WIZ: variants seen among roughly 807,000 people sequenced by gnomAD.
WIZ encodes protein Wiz.
WIZ carries 25 observed loss-of-function variants against 140.2 expected under a neutral mutation model. The ratio of observed to expected loss-of-function variants is 0.18; its 90% CI spans 0.13 to 0.25. WIZ has a LOEUF of 0.25. Among genes scored for constraint, WIZ ranks in the 10% least tolerant of loss-of-function variants. The pLI, the probability that WIZ is intolerant of heterozygous loss-of-function variation, is 1.00. For missense variants in WIZ, 2,231 were observed against 2,632.6 expected, an observed-to-expected ratio of 0.85 and a Z score of 3.34; for synonymous variants, 1,125 against 1,154.3, an observed-to-expected ratio of 0.97 and a Z score of 0.51.
rs1261936607 is a variant in WIZ, at chr19:15,440,578, G to C, written c.416C>G (p.Ser139Cys). 1.3e-6 allele frequency: 2 copies of C among 1,536,056 alleles called. No individual in the cohort carries two copies. The highest frequency in any genetic ancestry group is 1.4e-5 in the African/African-American group (1 of 73,050). Reference sequence around the variant, plus strand: ...GACTGAGTCCTCGAATCTCCGCTCAGATAGGATGCCCTCCCCAGCCTCCTG... The same window carrying C: ...GACTGAGTCCTCGAATCTCCGCTCACATAGGATGCCCTCCCCAGCCTCCTG... ...LVQEAGEGIL[S>C]ERRFEDSVIV... The change falls in exon 4 of 13, where the codon TCT (serine) becomes TGT (cysteine). Residue 139 changes from serine (S) to cysteine (C), a missense_variant. Coordinates refer to ENST00000673675, the MANE Select transcript of WIZ (RefSeq NM_001371589.1). This position sits in a 1 kb window ranked among gnomAD's most constrained non-coding sequence, Gnocchi z 6.2.
In WIZ at chr19:15,428,787, C is replaced by A. The variant is rs1474452605; in HGVS notation, c.3416-279G>T. 6.6e-6 allele frequency among the ~76,000 whole-genome samples: 1 copy of A among 152,126 alleles called. No homozygotes were observed. The highest frequency in any genetic ancestry group is 2.4e-5 in the African/African-American group (1 of 41,412). The stretch of plus-strand genomic sequence containing the variant: ...ACTCCCAGACCCTCTCCCCTAGGAT[C>A]CCTGCTATGGGAGCTATTTGGGGGC... On this transcript the variant is annotated intron_variant, in intron 7 of 12. Coordinates refer to ENST00000673675, the MANE Select transcript of WIZ (RefSeq NM_001371589.1). This position sits in a 1 kb window ranked among gnomAD's most constrained non-coding sequence, Gnocchi z 6.4.
chr19:15,443,136 A>G (rs1969801614), intron 2 of WIZ, among the ~76,000 whole-genome samples: 2 of 152,186 alleles, frequency 1.3e-5, no homozygotes, highest in East Asian at 3.9e-4. Context: ...CAATGGCACA[A>G]TCTCGGCTCA....
Position 15,428,179 on chromosome 19 carries a change from C to T in WIZ, c.3745G>A (p.Asp1249Asn). 2 of 1,534,500 alleles carry T rather than the reference C, an allele frequency of 1.3e-6. No homozygotes were observed. Among genetic ancestry groups the T allele is most frequent in the Non-Finnish European group, 1.7e-6 (2 of 1,146,740 alleles). The change falls in exon 8 of 13, where the codon GAC becomes AAC. Residue 1249 changes from aspartate (D) to asparagine (N), a missense_variant. Asp to Asn is a conservative substitution (Grantham distance 23, BLOSUM62 1). Coordinates refer to ENST00000673675, the MANE Select transcript of WIZ (RefSeq NM_001371589.1). This position sits in a 1 kb window ranked among gnomAD's most constrained non-coding sequence, Gnocchi z 6.4. ...CCGGCGGCTGCGGCGGCCGAGAGGT[C>T]CTGCTTCCCCCAGGGGCTGGCCATA... ...AGMASPWGKQ[D>N]LSAAAAAGIF...
At position 15,439,308 on chromosome 19, in the gene WIZ, C is replaced by T. The variant is rs749517086; in HGVS notation, c.1686G>A (p.Pro562=). 19 of 1,535,438 alleles carry T rather than the reference C, an allele frequency of 1.2e-5. No homozygotes were observed. Among genetic ancestry groups the T allele is most frequent in the East Asian group, 2.4e-5 (1 of 40,910 alleles). Residue 562 remains proline (P), a synonymous_variant, in exon 4 of 13, where the codon CCG becomes CCA. Transcript: ENST00000673675. The surrounding 1 kb of genome is among the most constrained non-coding windows in gnomAD (Gnocchi z 7.0). ...TGCCATGCAGGAGTGGCTTTGACAG[C>T]GGGAAATCTCTGATGCTCAGCTGCT... ...GCQQLSIRDF[P]LSKPLLHGTG... is the part of the protein sequence containing the mutation.
At position 15,423,327 on chromosome 19, in the gene WIZ, AC is replaced by A. The variant is rs1968495221; in HGVS notation, c.5511-93del. ...AGCATCCCTGGGCACACCTGCTGCT[AC>A]TCAGTGTGGACAGAGCCAGCCCAGG... On this transcript the variant is annotated intron_variant, in intron 12 of 12. Coordinates refer to ENST00000673675, the MANE Select transcript of WIZ (RefSeq NM_001371589.1). 4.0e-6 allele frequency: 6 copies of A among 1,485,806 alleles called. No individual in the cohort carries two copies. The Admixed American group carries it at 6.1e-5, about 15-fold the overall frequency. 92.0% of individuals were successfully genotyped at this position (1,485,806 alleles called of 1,614,324 possible). A position where few individuals can be genotyped will look rare whatever the true frequency, so the allele number is the denominator to read the frequency against.
intron 3 of WIZ, among the ~76,000 whole-genome samples, chr19:15,441,372 T>C (rs1969739882): frequency 6.6e-6 from 1 of 152,170 alleles, no homozygotes; most frequent in South Asian, 2.1e-4. Context: ...TTGGGGGTAA[T>C]TCCCAAGAAC....
Position 15,430,706 on chromosome 19 carries a change from C to T in WIZ, c.2911+306G>A, listed in dbSNP as rs1349701832. Among the ~76,000 whole-genome samples, 4 of 151,848 alleles carry T rather than the reference C, an allele frequency of 2.6e-5. No individual in the cohort carries two copies. The East Asian group carries it at 7.8e-4, about 30-fold the overall frequency. On this transcript the variant is annotated intron_variant, in intron 6 of 12. Coordinates refer to ENST00000673675, the MANE Select transcript of WIZ (RefSeq NM_001371589.1). ...CGAAGAAATGGTGTCATGCGAGAGA[C>T]TGCACAGCTAGCAAAGGCCAGATTC...
At chr19:15,429,486 CCCCA>C in intron 7 of WIZ, 96 bp downstream of exon 7, 2 of 812,166 alleles carry the variant, frequency 2.5e-6, no homozygotes, top group Non-Finnish European at 3.4e-6. Flanking sequence ...TCCCCACCGC[CCCCA>C]CCCACCCTGG....
At chr19:15,437,153 C>T (rs755810239) in intron 4 of WIZ, 24 bp from the exon 5 acceptor site, 1 of 1,551,552 alleles carries the variant, frequency 6.4e-7, no homozygotes. Context: ...ACAGGACTGC[C>T]TGAGGTGGAG....
intron 5 of WIZ, among the ~76,000 whole-genome samples, chr19:15,431,847 T>C (rs1443281454): frequency 1.3e-5 from 2 of 152,092 alleles, no homozygotes; most frequent in African/African-American, 4.8e-5. Flanking sequence ...CATCCCTGGG[T>C]GAGGAGTGTG....
Position 15,424,403 on chromosome 19 carries a change from A to C in WIZ, c.5315-25T>G, listed in dbSNP as rs1474941365. ...TCTAAGGTGGAGAGGGGGACGGGAGATGAGTGGGAGGGGTGGATGCTGCAG... is the reference window on the plus strand; with the variant it reads ...TCTAAGGTGGAGAGGGGGACGGGAGCTGAGTGGGAGGGGTGGATGCTGCAG... On this transcript the variant is annotated intron_variant, in intron 11 of 12. Transcript: ENST00000673675. This position sits in a 1 kb window ranked among gnomAD's most constrained non-coding sequence, Gnocchi z 9.7. 3.1e-6 allele frequency: 5 copies of C among 1,594,372 alleles called. No individual in the cohort carries two copies. The highest frequency in any genetic ancestry group is 4.3e-6 in the Non-Finnish European group (5 of 1,174,218).
intron 5 of WIZ, among the ~76,000 whole-genome samples, chr19:15,432,279 G>A (rs1397065026): frequency 6.6e-6 from 1 of 151,938 alleles, no homozygotes; most frequent in African/African-American, 2.4e-5. Flanking sequence ...CTGGGACCCT[G>A]CGAGCGGCGA....
chr19:15,448,152 G>C lies in WIZ; in HGVS notation c.156C>G (p.Val52=). The C allele has an allele frequency of 6.2e-7, 1 of 1,612,832 alleles. No individual in the cohort carries two copies. Among genetic ancestry groups the C allele is most frequent in the Non-Finnish European group, 8.5e-7 (1 of 1,179,258 alleles). Residue 52 remains valine, a synonymous_variant, in exon 2 of 13, where the codon GTC becomes GTG. Transcript: ENST00000673675. ...GAATGTCTCGGGGGCCCTCCTTGGTGACAGGCAGGTAACGGGTGGACCGGA... is the reference window on the plus strand; with the variant it reads ...GAATGTCTCGGGGGCCCTCCTTGGTCACAGGCAGGTAACGGGTGGACCGGA... ...GIFRSTRYLP[V]TKEGPRDILD...
chr19:15,436,693 G>C (rs1969525364), intron 5 of WIZ, 113 bp downstream of exon 5: 1 of 1,114,744 alleles, frequency 9.0e-7, no homozygotes, highest in Admixed American at 3.6e-5. Context: ...TTTGTAAAGT[G>C]ACTCAAAATG....
rs374280950 is a variant in WIZ at position 15,425,564 on chromosome 19, G to C, written c.4571C>G (p.Pro1524Arg). ...CAGGGCAGGGGCCAGGTCTCCAGCC[G>C]GTGGCTCCTTCTTGATGAGGCACGG... ...SKPCLIKKEP[P>R]AGDLAPALAE... The change falls in exon 10 of 13, where the codon CCG (proline) becomes CGG (arginine). Residue 1524 changes from proline to arginine, a missense_variant. This residue lies in a region of WIZ where 393 missense variants were observed against 451.7 expected (regional missense o/e 0.87). Coordinates refer to ENST00000673675, the MANE Select transcript of WIZ (RefSeq NM_001371589.1). The C allele has an allele frequency of 2.5e-6, 4 of 1,613,048 alleles. No individual in the cohort carries two copies. The highest frequency in any genetic ancestry group is 2.7e-5 in the African/African-American group (2 of 74,872).
In WIZ at chr19:15,438,693, G is replaced by A. The variant is rs1263625141; in HGVS notation, c.2301C>T (p.His767=). 2.5e-5 allele frequency: 38 copies of A among 1,536,046 alleles called. No homozygotes were observed. Among genetic ancestry groups the A allele is most frequent in the Non-Finnish European group, 3.1e-5 (35 of 1,146,904 alleles). The part of the protein sequence containing the change: ...RFHNGIGLAN[H]VRGHLNRVGV... ...CCACGCGGTTCAGGTGGCCCCGGAC[G>A]TGGTTGGCCAAGCCGATGCCGTTGT... is the stretch of plus-strand genomic sequence containing the variant. Residue 767 remains histidine, a synonymous_variant, in exon 4 of 13, where the codon CAC becomes CAT. Coordinates refer to ENST00000673675, the MANE Select transcript of WIZ (RefSeq NM_001371589.1).
intron 12 of WIZ, among the ~76,000 whole-genome samples, chr19:15,423,835 A>G (rs1462068824): frequency 1.3e-5 from 2 of 152,238 alleles, no homozygotes; most frequent in African/African-American, 4.8e-5. Flanking sequence ...ACCATGTGCC[A>G]GGCAGTTCTG....
rs1386943284 is a variant in WIZ, at chr19:15,420,704, A to G, written c.*2372T>C. ...GCAAGAACTGGAGGTGACTCTTCCAAGGACACACATGACCCTCACTTCACT... is the reference window on the plus strand; with the variant it reads ...GCAAGAACTGGAGGTGACTCTTCCAGGGACACACATGACCCTCACTTCACT... On this transcript the variant is annotated 3_prime_UTR_variant, in exon 13 of 13. Transcript: ENST00000673675. 6.6e-6 allele frequency: 1 copy of G among 152,290 alleles called. No individual in the cohort carries two copies. Among genetic ancestry groups the G allele is most frequent in the Non-Finnish European group, 1.5e-5 (1 of 68,064 alleles). 9.4% of individuals were successfully genotyped at this position (152,290 alleles called of 1,614,324 possible).
In WIZ at chr19:15,433,846, T is replaced by C. The variant is rs1158317633; in HGVS notation, c.2741-2664A>G. On this transcript the variant is annotated intron_variant, in intron 5 of 12. Coordinates refer to ENST00000673675, the MANE Select transcript of WIZ (RefSeq NM_001371589.1). ...AACCTCCAAGGAGAGGGGGCTTTGA[T>C]AGCCCCACCCTCCCCTTTGCAGGCT... Among the ~76,000 whole-genome samples, 3 of 152,334 alleles carry C rather than the reference T, an allele frequency of 2.0e-5. No homozygotes were observed. In the East Asian group the frequency reaches 5.8e-4, roughly 29 times the overall value.
Sources: gnomAD v4.1 joint callset for allele counts (sites outside exome capture counted in the v4.1 genomes callset) on GRCh38, gnomAD v4.1.1 for gene constraint, gnomAD v4.1.1 regional missense constraint, Gnocchi (gnomAD v3.1) non-coding constraint, MANE v1.5 for transcripts, NCBI Gene and HGNC (gene_info 2026-07-23, HGNC 2026-07-21) for gene names.